Variants in RAB11B observed in about 807,000 individuals in gnomAD.
RAB11B encodes ras-related protein Rab-11B.
In RAB11B, 7 loss-of-function variants were observed where a neutral mutation model predicts 23.7. That is an observed-to-expected ratio of 0.29 (90% CI 0.17 to 0.55). The LOEUF (loss-of-function observed/expected upper bound fraction) is 0.55, where lower values mean the gene tolerates loss of function less well. RAB11B is among the 20% of genes least tolerant of loss of function. RAB11B has a pLI of 0.93. For synonymous variants in RAB11B, 138 were observed against 132.0 expected (o/e 1.05, Z -0.31); for missense variants, 189 against 320.0 (o/e 0.59, Z 3.12).
rs182133113 is a variant in RAB11B, at chr19:8,403,754, G to A, written c.*196G>A. 2.9e-5 allele frequency: 22 copies of A among 753,100 alleles called. No homozygotes were observed. Among genetic ancestry groups the A allele is most frequent in the Middle Eastern group, 4.0e-4 (1 of 2,474 alleles). The allele number at this position is 753,100 out of a possible 1,614,324, so 46.7% of individuals were successfully genotyped here. On this transcript the variant is annotated 3_prime_UTR_variant, in exon 5 of 5. Coordinates refer to ENST00000328024, the MANE Select transcript of RAB11B (RefSeq NM_004218.4). Reference sequence around the variant, plus strand: ...TGCCCGGGGAAAAGCTAGAAGCCCCGGTTTGCTGCACCCATGAAACTCGGG... The same window carrying A: ...TGCCCGGGGAAAAGCTAGAAGCCCCAGTTTGCTGCACCCATGAAACTCGGG...
At chr19:8,397,144 G>A (rs1321871380) in intron 1 of RAB11B, among the ~76,000 whole-genome samples, 1 of 152,228 alleles carries the variant, frequency 6.6e-6, no homozygotes, top group African/African-American at 2.4e-5. Flanking sequence ...GGTGAGCGGT[G>A]GGTGAGCAGG....
rs73497484 is a variant in RAB11B at position 8,396,815 on chromosome 19, G to C, written c.41-3048G>C. ...GCCACGGAGGGTTGTCTGCAGAGGA[G>C]GGAGGGAGGTGCCCTGGCTCGGCAC... On this transcript the variant is annotated intron_variant, in intron 1 of 4. Transcript: ENST00000328024. This position sits in a 1 kb window ranked among gnomAD's most constrained non-coding sequence, Gnocchi z 5.0. Among the ~76,000 whole-genome samples the C allele has an allele frequency of 6.6e-6, 1 of 152,110 alleles. No homozygotes were observed. Among genetic ancestry groups the C allele is most frequent in the East Asian group, 1.9e-4 (1 of 5,182 alleles).
At position 8,403,572 on chromosome 19, in the gene RAB11B, A is replaced by C. The variant is rs1971455565; in HGVS notation, c.*14A>C. 3 of 1,605,002 alleles carry C rather than the reference A, an allele frequency of 1.9e-6. No homozygotes were observed. The highest frequency in any genetic ancestry group is 1.3e-5 in the African/African-American group (1 of 74,716). On this transcript the variant is annotated 3_prime_UTR_variant, in exon 5 of 5. Transcript: ENST00000328024. ...CAGAACCTGTGACCCCTGCGCCTCC[A>C]CCCAGCGTGCGTGCACGTCCTCCGC...
chr19:8,399,308 G>A (rs866967126), intron 1 of RAB11B, among the ~76,000 whole-genome samples: 4 of 152,096 alleles, frequency 2.6e-5, no homozygotes, highest in African/African-American at 7.2e-5. Context: ...GGCTGGTCTC[G>A]AACTCCCGAC....
chr19:8,402,276 G>T lies in RAB11B; in HGVS notation c.427G>T (p.Ala143Ser), dbSNP rs772721088. The T allele has an allele frequency of 1.9e-6, 3 of 1,553,520 alleles. No homozygotes were observed. Among genetic ancestry groups the T allele is most frequent in the South Asian group, 1.2e-5 (1 of 84,954 alleles). The change falls in exon 3 of 5, where the codon GCA becomes TCA. Residue 143 changes from alanine (A) to serine (S), a missense_variant. Ala to Ser is a moderately conservative substitution (Grantham distance 99, BLOSUM62 1). Transcript: ENST00000328024. ...GCCCACTGACGAGGCCCGCGCCTTC[G>T]CAGGTGAGCAGACGGAGACGCAGGC... ...AVPTDEARAF[A>S]EKNNLSFIET... is the part of the protein sequence containing the mutation.
chr19:8,392,947 A>G (rs1436052138), intron 1 of RAB11B, among the ~76,000 whole-genome samples: 1 of 149,772 alleles, frequency 6.7e-6, no homozygotes, highest in African/African-American at 2.5e-5. Flanking sequence ...CGGCCTCCCA[A>G]AGTGCTGGGA....
At chr19:8,390,756 G>A (rs1407166764) in intron 1 of RAB11B, 1 of 319,800 alleles carries the variant, frequency 3.1e-6, no homozygotes, top group Admixed American at 5.0e-5. Context: ...CGGGGCCTCC[G>A]CAGGGGGTGG....
At chr19:8,400,374 G>A (rs1359333551) in intron 2 of RAB11B, 2 of 416,864 alleles carry the variant, frequency 4.8e-6, no homozygotes, top group South Asian at 5.5e-5. Context: ...CTCCTCACTG[G>A]TGCCCACACC....
In RAB11B at chr19:8,399,985, G is replaced by A; in HGVS notation, c.163G>A (p.Val55Met). ...GVEFATRSIQ[V>M]DGKTIKAQIW... is the part of the protein sequence containing the mutation. Reference sequence around the variant, plus strand: ...GGAGTTCGCCACCCGCAGCATCCAGGTGGACGGCAAGACCATCAAGGCGCA... The same window carrying A: ...GGAGTTCGCCACCCGCAGCATCCAGATGGACGGCAAGACCATCAAGGCGCA... The change falls in exon 2 of 5, where the codon GTG becomes ATG. Residue 55 changes from valine (V) to methionine (M), a missense_variant. By Grantham distance (21) the Val-to-Met change is conservative (BLOSUM62 1). Around this residue, in one of 5 missense-constraint regions of RAB11B, gnomAD observed 28 missense variants for 43.1 expected, o/e 0.65. Coordinates refer to ENST00000328024, the MANE Select transcript of RAB11B (RefSeq NM_004218.4). The A allele has an allele frequency of 6.2e-7, 1 of 1,614,204 alleles. No homozygotes were observed. Among genetic ancestry groups the A allele is most frequent in the South Asian group, 1.1e-5 (1 of 91,092 alleles).
Position 8,403,420 on chromosome 19 carries a change from C to T in RAB11B, c.519C>T (p.Tyr173=), listed in dbSNP as rs757778778. The part of the protein sequence containing the change: ...EAFKNILTEI[Y]RIVSQKQIAD... ...CCTGTACCCCCTTTGCAGAGATCTA[C>T]CGCATCGTGTCACAGAAACAGATCG... The change falls in exon 5 of 5, where the codon TAC becomes TAT. Residue 173 remains tyrosine, a synonymous_variant. Coordinates refer to ENST00000328024, the MANE Select transcript of RAB11B (RefSeq NM_004218.4). 2 of 1,613,188 alleles carry T rather than the reference C, an allele frequency of 1.2e-6. No homozygotes were observed. The highest frequency in any genetic ancestry group is 2.2e-5 in the East Asian group (1 of 44,878).
In RAB11B at chr19:8,398,963, T is replaced by A. The variant is rs971679753; in HGVS notation, c.41-900T>A. Among the ~76,000 whole-genome samples, 98 of 151,622 alleles carry A rather than the reference T, an allele frequency of 6.5e-4. 1 individual carries two copies. Among genetic ancestry groups the A allele is most frequent in the African/African-American group, 1.7e-3 (69 of 41,332 alleles). On this transcript the variant is annotated intron_variant, in intron 1 of 4. Transcript: ENST00000328024. Reference sequence around the variant, plus strand: ...CAGCTAATTATTATTATTATTATTTTTTTTTTTGAGATGGAGTCTCGCTCT... The same window carrying A: ...CAGCTAATTATTATTATTATTATTTATTTTTTTGAGATGGAGTCTCGCTCT...
In RAB11B at chr19:8,400,069, GCAGC is replaced by G; in HGVS notation, c.236+13_236+16del. On this transcript the variant is annotated intron_variant, in intron 2 of 4. Transcript: ENST00000328024. ...CGCCATCACCTCCGCGTGCGTGTCG[GCAGC>G]CTGGGCAGGGACGCTGAGATTCGGG... 6.2e-7 allele frequency: 1 copy of G among 1,605,572 alleles called. No individual in the cohort carries two copies. The highest frequency in any genetic ancestry group is 8.5e-7 in the Non-Finnish European group (1 of 1,173,074).
At chr19:8,394,860 G>C (rs550453890) in intron 1 of RAB11B, among the ~76,000 whole-genome samples, 11 of 152,324 alleles carry the variant, frequency 7.2e-5, no homozygotes, top group African/African-American at 2.6e-4. Context: ...AACTCAGGAG[G>C]CGGAGAGTAC....
At chr19:8,402,695 G>A in intron 4 of RAB11B, 130 bp downstream of exon 4, 1 of 675,172 alleles carries the variant, frequency 1.5e-6, no homozygotes, top group African/African-American at 1.9e-5. Flanking sequence ...ATGGATTTTT[G>A]CTCTTTGCCC....
In RAB11B at chr19:8,403,686, G is replaced by C. The variant is rs111822635; in HGVS notation, c.*128G>C. The C allele has an allele frequency of 3.5e-5, 47 of 1,333,694 alleles. No individual in the cohort carries two copies. Among genetic ancestry groups the C allele is most frequent in the Non-Finnish European group, 4.6e-5 (46 of 998,874 alleles). The allele number at this position is 1,333,694 out of a possible 1,614,324, so 82.6% of individuals were successfully genotyped here. A position where few individuals can be genotyped will look rare whatever the true frequency, so the allele number is the denominator to read the frequency against. On this transcript the variant is annotated 3_prime_UTR_variant, in exon 5 of 5. Transcript: ENST00000328024. ...CCCTCCCAGTGAGCTCTGCACGGCC[G>C]GGCCGGGGCCCAGGAAGGACAGGAG...
In RAB11B at chr19:8,402,575, G is replaced by A. The variant is rs763065897; in HGVS notation, c.511+10G>A. On this transcript the variant is annotated intron_variant, in intron 4 of 4. Coordinates refer to ENST00000328024, the MANE Select transcript of RAB11B (RefSeq NM_004218.4). ...AAGAACATCCTCACAGGTGGCCGGGGACCAGATGGGTGTGGGTAGGGCACC... is the reference window on the plus strand; with the variant it reads ...AAGAACATCCTCACAGGTGGCCGGGAACCAGATGGGTGTGGGTAGGGCACC... The A allele has an allele frequency of 3.7e-6, 6 of 1,604,242 alleles. No homozygotes were observed. The Admixed American group carries it at 6.7e-5, about 18-fold the overall frequency.
chr19:8,403,452 G>A lies in RAB11B; in HGVS notation c.551G>A (p.Arg184His), dbSNP rs1971454157. 6.2e-7 allele frequency: 1 copy of A among 1,613,788 alleles called. No individual in the cohort carries two copies. The highest frequency in any genetic ancestry group is 8.5e-7 in the Non-Finnish European group (1 of 1,179,758). Residue 184 changes from arginine (R) to histidine (H), a missense_variant, in exon 5 of 5, where the codon CGC (arginine) becomes CAC (histidine). Around this residue, in one of 5 missense-constraint regions of RAB11B, gnomAD observed 122 missense variants for 170.8 expected, o/e 0.71. Coordinates refer to ENST00000328024, the MANE Select transcript of RAB11B (RefSeq NM_004218.4). ...GTGTCACAGAAACAGATCGCAGACCGCGCTGCCCACGACGAGTCCCCGGGG... is the reference window on the plus strand; with the variant it reads ...GTGTCACAGAAACAGATCGCAGACCACGCTGCCCACGACGAGTCCCCGGGG... Reference protein sequence around the residue: ...RIVSQKQIADRAAHDESPGNN... With the variant: ...RIVSQKQIADHAAHDESPGNN...
chr19:8,390,666 C>T, intron 1 of RAB11B: 3 of 473,308 alleles, frequency 6.3e-6, no homozygotes, highest in Non-Finnish European at 1.0e-5. Flanking sequence ...CCGGAGAGAC[C>T]TGGGGGACCT....
At chr19:8,400,914 C>A (rs1227416909) in intron 2 of RAB11B, among the ~76,000 whole-genome samples, 1 of 147,408 alleles carries the variant, frequency 6.8e-6, no homozygotes, top group East Asian at 2.1e-4. Context: ...TGGAGACAGA[C>A]AGGGTCTTGC....
Sources: gnomAD v4.1 joint callset for allele counts (sites outside exome capture counted in the v4.1 genomes callset) on GRCh38, gnomAD v4.1.1 for gene constraint, gnomAD v4.1.1 regional missense constraint, Gnocchi (gnomAD v3.1) non-coding constraint, MANE v1.5 for transcripts, NCBI Gene and HGNC (gene_info 2026-07-23, HGNC 2026-07-21) for gene names.